DYNC2H1: variants seen among roughly 807,000 people sequenced by gnomAD.
The protein encoded by DYNC2H1 is dynein cytoplasmic 2 heavy chain 1, also known as cytoplasmic dynein 2 heavy chain 1.
DYNC2H1 carries 410 observed loss-of-function variants against 570.0 expected under a neutral mutation model. The observed-to-expected ratio is 0.72, with a 90% CI of 0.66 to 0.78. The LOEUF (loss-of-function observed/expected upper bound fraction) is 0.78. DYNC2H1 is among the 30% of genes least tolerant of loss of function. The probability of loss-of-function intolerance (pLI) is 0.00; values close to 1 mark genes in which losing one functional copy is unlikely to be tolerated. For synonymous variants in DYNC2H1, 1,688 were observed against 1,677.6 expected (o/e 1.01, Z -0.15); for missense variants, 4,865 against 5,046.4 (o/e 0.96, Z 1.09).
chr11:103,300,909 A>G (rs908693263), intron 75 of DYNC2H1, among the ~76,000 whole-genome samples: 1 of 147,572 alleles, frequency 6.8e-6, no homozygotes, highest in African/African-American at 2.4e-5. Flanking sequence ...GTAAGTAGTT[A>G]TTTTAAATGT....
rs749593015 is a variant in DYNC2H1, at chr11:103,186,367, T to G, written c.6759T>G (p.Asp2253Glu). ...AGCCAGAAGACTTGACTGCTGATGA[T>G]TTCAGTAACGGCTTAACTCTTCCAG... Reference protein sequence around the residue: ...LKKPEDLTADDFSNGLTLPVI... With the variant: ...LKKPEDLTADEFSNGLTLPVI... The change falls in exon 42 of 89, where the codon GAT becomes GAG. Residue 2253 changes from aspartate to glutamate, a missense_variant. By Grantham distance (45) the Asp-to-Glu change is conservative. Transcript: ENST00000375735. The surrounding 1 kb of genome is among the most constrained non-coding windows in gnomAD (Gnocchi z 4.5). 2 of 1,612,928 alleles carry G rather than the reference T, an allele frequency of 1.2e-6. No homozygotes were observed. Among genetic ancestry groups the G allele is most frequent in the South Asian group, 2.2e-5 (2 of 91,070 alleles).
intron 22 of DYNC2H1, 40 bp from the exon 23 acceptor site, chr11:103,154,411 C>A: frequency 6.7e-7 from 1 of 1,482,594 alleles, no homozygotes. Context: ...ATCAATATTT[C>A]TGTTTTTAAA....
rs1862903934 is a variant in DYNC2H1, at chr11:103,205,886, G to A, written c.8454+922G>A. ...ATGTCAGAGAACTAAGAGGAAACCAGTTAGGATGGGGCTTTGTAAGCTACT... is the reference window on the plus strand; with the variant it reads ...ATGTCAGAGAACTAAGAGGAAACCAATTAGGATGGGGCTTTGTAAGCTACT... On this transcript the variant is annotated intron_variant, in intron 52 of 88. Transcript: ENST00000375735. This position sits in a 1 kb window ranked among gnomAD's most constrained non-coding sequence, Gnocchi z 4.5. Among the ~76,000 whole-genome samples, 1 of 152,200 alleles carries A rather than the reference G, an allele frequency of 6.6e-6. No individual in the cohort carries two copies. The highest frequency in any genetic ancestry group is 2.4e-5 in the African/African-American group (1 of 41,462).
At chr11:103,219,718 C>G (rs747683395) in intron 55 of DYNC2H1, among the ~76,000 whole-genome samples, 197 bp from the exon 56 acceptor site, 2 of 152,132 alleles carry the variant, frequency 1.3e-5, no homozygotes, top group Non-Finnish European at 2.9e-5. Flanking sequence ...GCACTGAAAC[C>G]TTTCTGATAG....
chr11:103,223,357 T>G (rs1863667750), intron 59 of DYNC2H1, among the ~76,000 whole-genome samples: 1 of 152,098 alleles, frequency 6.6e-6, no homozygotes, highest in African/African-American at 2.4e-5. Flanking sequence ...AGCCAAAGTT[T>G]CATAAAGGAA....
At chr11:103,398,614 A>G in intron 83 of DYNC2H1, among the ~76,000 whole-genome samples, 1 of 152,226 alleles carries the variant, frequency 6.6e-6, no homozygotes, top group East Asian at 1.9e-4. Flanking sequence ...AGCAGAATAC[A>G]TAGAGAAAAT....
intron 83 of DYNC2H1, among the ~76,000 whole-genome samples, chr11:103,373,126 G>A (rs1423153234): frequency 6.6e-6 from 1 of 151,986 alleles, no homozygotes; most frequent in Non-Finnish European, 1.5e-5. Context: ...GTAGAGATAG[G>A]GTTTTTCCAT....
intron 84 of DYNC2H1, chr11:103,405,485 C>T (rs1010574009): frequency 2.0e-5 from 3 of 151,856 alleles, no homozygotes; most frequent in African/African-American, 7.3e-5. Flanking sequence ...CCAGCACTGG[C>T]TTCTACCATT....
At chr11:103,253,216 T>C (rs1415877152) in intron 65 of DYNC2H1, 69 bp from the exon 66 acceptor site, 5 of 1,449,388 alleles carry the variant, frequency 3.4e-6, no homozygotes, top group Admixed American at 2.2e-5. Context: ...TTAAAAATTA[T>C]ATTTTCAAAT....
In DYNC2H1 at chr11:103,474,696, CTATTT is replaced by C. The variant is rs1415668273; in HGVS notation, c.12766-4394_12766-4390del. 3.9e-5 allele frequency among the ~76,000 whole-genome samples: 6 copies of C among 152,078 alleles called. No individual in the cohort carries two copies. In the South Asian group the frequency reaches 1.2e-3, roughly 32 times the overall value. On this transcript the variant is annotated intron_variant, in intron 88 of 88. Coordinates refer to ENST00000375735, the MANE Select transcript of DYNC2H1 (RefSeq NM_001377.3). ...TTATTGTGGTATTGTTACAATTATT[CTATTT>C]TATTATTATTTATGTTAATATCTTA...
intron 5 of DYNC2H1, 79 bp from the exon 6 acceptor site, chr11:103,117,552 T>C (rs527522405): frequency 1.7e-6 from 2 of 1,152,026 alleles, no homozygotes; most frequent in South Asian, 4.6e-5. Flanking sequence ...TTAAAAATAT[T>C]GTCATAAGCA....
At chr11:103,230,621 C>T (rs1274733303) in intron 59 of DYNC2H1, among the ~76,000 whole-genome samples, 1 of 152,156 alleles carries the variant, frequency 6.6e-6, no homozygotes, top group Non-Finnish European at 1.5e-5. Flanking sequence ...TTGTTACCTT[C>T]ATAAGTATCT....
At chr11:103,414,843 CAAG>C (rs1167370183) in intron 84 of DYNC2H1, among the ~76,000 whole-genome samples, 2 of 152,060 alleles carry the variant, frequency 1.3e-5, no homozygotes, top group African/African-American at 4.8e-5. Flanking sequence ...AGGACCACTT[CAAG>C]AAGAACGATA....
rs1865575423 is a variant in DYNC2H1 at position 103,268,031 on chromosome 11, T to C, written c.10695+8054T>C. 6.6e-6 allele frequency among the ~76,000 whole-genome samples: 1 copy of C among 152,030 alleles called. No homozygotes were observed. The highest frequency in any genetic ancestry group is 6.5e-5 in the Admixed American group (1 of 15,272). Reference sequence around the variant, plus strand: ...TTTATACATTTTTTGTTCTTATACATGACTATAGTGAATATCCTATATGGT... The same window carrying C: ...TTTATACATTTTTTGTTCTTATACACGACTATAGTGAATATCCTATATGGT... On this transcript the variant is annotated intron_variant, in intron 70 of 88. Transcript: ENST00000375735. The surrounding 1 kb of genome is among the most constrained non-coding windows in gnomAD (Gnocchi z 4.6).
Position 103,117,724 on chromosome 11 carries a change from G to C in DYNC2H1, c.860G>C (p.Gly287Ala). Reference sequence around the variant, plus strand: ...CTTGTGAAAGAAAGTCTGAAAGCTGGTATTTCAATTTGTGAACAGTGGGTG... The same window carrying C: ...CTTGTGAAAGAAAGTCTGAAAGCTGCTATTTCAATTTGTGAACAGTGGGTG... ...YYLVKESLKAGISICEQWVIV... is the reference protein window; with the variant it reads ...YYLVKESLKAAISICEQWVIV... The change falls in exon 6 of 89, where the codon GGT becomes GCT. Residue 287 changes from glycine to alanine, a missense_variant. By Grantham distance (60) the Gly-to-Ala change is moderately conservative (BLOSUM62 0). Around this residue, in one of 5 missense-constraint regions of DYNC2H1, gnomAD observed 1,936 missense variants for 1,962.1 expected, o/e 0.99. Coordinates refer to ENST00000375735, the MANE Select transcript of DYNC2H1 (RefSeq NM_001377.3). The C allele has an allele frequency of 6.2e-7, 1 of 1,613,046 alleles. No individual in the cohort carries two copies. Among genetic ancestry groups the C allele is most frequent in the Non-Finnish European group, 8.5e-7 (1 of 1,179,260 alleles).
rs574651881 is a variant in DYNC2H1, at chr11:103,264,364, G to T, written c.10695+4387G>T. Among the ~76,000 whole-genome samples the T allele has an allele frequency of 1.4e-4, 22 of 152,132 alleles. 1 individual carries two copies. The South Asian group carries it at 3.7e-3, about 26-fold the overall frequency. ...TACCTAACTCATTTTATGAGACCAG[G>T]ATCATCATGATACCACAACGTGGCA... On this transcript the variant is annotated intron_variant, in intron 70 of 88. Coordinates refer to ENST00000375735, the MANE Select transcript of DYNC2H1 (RefSeq NM_001377.3). The surrounding 1 kb of genome is among the most constrained non-coding windows in gnomAD (Gnocchi z 4.8).
chr11:103,158,830 A>G (rs1464595929), intron 27 of DYNC2H1, 21 bp downstream of exon 27: 3 of 1,455,142 alleles, frequency 2.1e-6, no homozygotes, highest in Admixed American at 5.1e-5. Flanking sequence ...TAAGAAAAAA[A>G]TATATAATAA....
chr11:103,280,480 T>G lies in DYNC2H1; in HGVS notation c.10761+67T>G. ...AATTTGTTAATGGGTGGATTTATGT[T>G]TAGATTAGAAATTATTTAGGCTAGA... is the stretch of plus-strand genomic sequence containing the variant. On this transcript the variant is annotated intron_variant, in intron 71 of 88. Transcript: ENST00000375735. The surrounding 1 kb of genome is among the most constrained non-coding windows in gnomAD (Gnocchi z 4.7). 2 of 1,308,062 alleles carry G rather than the reference T, an allele frequency of 1.5e-6. No individual in the cohort carries two copies. Among genetic ancestry groups the G allele is most frequent in the East Asian group, 5.0e-5 (2 of 39,714 alleles). 81.0% of individuals were successfully genotyped at this position (1,308,062 alleles called of 1,614,324 possible).
Position 103,287,550 on chromosome 11 carries a change from G to T in DYNC2H1, c.11040G>T (p.Ala3680=). 1.2e-6 allele frequency: 2 copies of T among 1,610,454 alleles called. No individual in the cohort carries two copies. The highest frequency in any genetic ancestry group is 1.7e-6 in the Non-Finnish European group (2 of 1,178,224). ...SLFQQILVVQ[A]LRPDRLQSAM... ...ATTTTAAGATTCTTGTAGTACAGGC[G>T]CTAAGACCGGACAGATTGCAAAGTG... Residue 3680 remains alanine (A), a synonymous_variant, in exon 75 of 89, where the codon GCG becomes GCT. Transcript: ENST00000375735.
Sources: gnomAD v4.1 joint callset for allele counts (sites outside exome capture counted in the v4.1 genomes callset) on GRCh38, gnomAD v4.1.1 for gene constraint, gnomAD v4.1.1 regional missense constraint, Gnocchi (gnomAD v3.1) non-coding constraint, MANE v1.5 for transcripts, NCBI Gene and HGNC (gene_info 2026-07-23, HGNC 2026-07-21) for gene names.